DYNC2I2: variants seen among roughly 807,000 people sequenced by gnomAD.
DYNC2I2 encodes dynein 2 intermediate chain 2, also known as cytoplasmic dynein 2 intermediate chain 2.
Under a neutral mutation model 52.0 loss-of-function variants are expected in DYNC2I2, and 39 were observed. That is an observed-to-expected ratio of 0.75 (90% CI 0.58 to 0.98). The LOEUF (loss-of-function observed/expected upper bound fraction) is 0.98. Among genes scored for constraint, DYNC2I2 ranks in the 50% least tolerant of loss-of-function variants. DYNC2I2 has a pLI of 0.00. For synonymous variants in DYNC2I2, 359 were observed against 321.1 expected, an observed-to-expected ratio of 1.12 and a Z score of -1.26; for missense variants, 743 against 728.4, an observed-to-expected ratio of 1.02 and a Z score of -0.23.
At chr9:128,649,688 CAAAAA>C (rs34154610) in intron 1 of DYNC2I2, among the ~76,000 whole-genome samples, 35 of 47,230 alleles carry the variant, frequency 7.4e-4, no homozygotes, top group East Asian at 5.7e-3. Flanking sequence ...GACTCCATCT[CAAAAA>C]AAAAAAAAAA....
chr9:128,671,942 C>T, the DYNC2I2 span, among the ~76,000 whole-genome samples: 145,333 of 150,230 alleles, frequency 0.97, 70,385 homozygotes, highest in Non-Finnish European at 1. Context: ...CTTGAGCCAC[C>T]GCGCCCGGCC....
chr9:128,684,082 A>C, the DYNC2I2 span: 6 of 1,207,920 alleles, frequency 5.0e-6, no homozygotes, highest in East Asian at 2.6e-5. Flanking sequence ...TTACCCCCCA[A>C]TCCCTCTTGA....
chr9:128,649,635 G>C (rs1244536954), intron 1 of DYNC2I2, among the ~76,000 whole-genome samples: 3 of 134,934 alleles, frequency 2.2e-5, no homozygotes, highest in Non-Finnish European at 3.0e-5. Context: ...ATTGCAGTGA[G>C]CCAAGACTGC....
the DYNC2I2 span, among the ~76,000 whole-genome samples, chr9:128,674,240 A>T: frequency 1.3e-5 from 2 of 151,578 alleles, no homozygotes; most frequent in East Asian, 2.0e-4. Flanking sequence ...GGTTTATACC[A>T]TCTACTGTCT....
At chr9:128,660,754 G>A (rs1355973799), upstream of DYNC2I2, among the ~76,000 whole-genome samples, 1 of 151,380 alleles carries the variant, frequency 6.6e-6, no homozygotes, top group Non-Finnish European at 1.5e-5. Flanking sequence ...TTTTGAGATG[G>A]TGTCACGCTC....
intron 1 of DYNC2I2, among the ~76,000 whole-genome samples, chr9:128,655,494 G>C (rs1296461234): frequency 1.5e-5 from 2 of 134,072 alleles, no homozygotes; most frequent in Non-Finnish European, 3.2e-5. Context: ...CCGGGCGACA[G>C]AGCGAGACTC....
At chr9:128,641,047 C>G (rs905398939) in intron 1 of DYNC2I2, 108 bp from the exon 2 acceptor site, 3 of 1,447,556 alleles carry the variant, frequency 2.1e-6, no homozygotes, top group Non-Finnish European at 2.7e-6. Flanking sequence ...TGCTGTGGGT[C>G]TCAGGCTAGG....
intron 2 of DYNC2I2, among the ~76,000 whole-genome samples, chr9:128,639,725 GCA>G (rs1380087741): frequency 6.6e-6 from 1 of 152,100 alleles, no homozygotes; most frequent in Admixed American, 6.6e-5. Context: ...GAGTGCAGTG[GCA>G]CAGTCTCAGC....
At position 128,634,002 on chromosome 9, in the gene DYNC2I2, C is replaced by T. The variant is rs201988969; in HGVS notation, c.1373-20G>A. ...CGTCACCTGCAAAGAGAGACAGATA[C>T]GTGGAGTAAGAGAAACTCTAGAGAC... On this transcript the variant is annotated intron_variant, in intron 8 of 8. Transcript: ENST00000372715. 4.3e-5 allele frequency: 70 copies of T among 1,612,008 alleles called. No homozygotes were observed. Among genetic ancestry groups the T allele is most frequent in the African/African-American group, 1.3e-4 (10 of 74,860 alleles).
chr9:128,669,015 G>C, the DYNC2I2 span, among the ~76,000 whole-genome samples: 2 of 151,668 alleles, frequency 1.3e-5, no homozygotes, highest in Non-Finnish European at 1.5e-5. Flanking sequence ...TGGATCACCT[G>C]AGGTCAGGAG....
chr9:128,636,564 G>T, intron 3 of DYNC2I2, 126 bp from the exon 4 acceptor site: 2 of 1,136,592 alleles, frequency 1.8e-6, no homozygotes, highest in African/African-American at 1.5e-5. Context: ...ACTACTCTGG[G>T]TATTGAAGTG....
chr9:128,634,930 A>G lies in DYNC2I2; in HGVS notation c.982-9T>C, dbSNP rs758276367. 1.9e-6 allele frequency: 3 copies of G among 1,611,178 alleles called. No individual in the cohort carries two copies. In the Admixed American group the frequency reaches 5.0e-5, roughly 27 times the overall value. On this transcript the variant is annotated splice_polypyrimidine_tract_variant and intron_variant, in intron 6 of 8. Coordinates refer to ENST00000372715, the MANE Select transcript of DYNC2I2 (RefSeq NM_052844.4). ...GTCTCCCCGCGGGGATGCTGTGGAG[A>G]AATGGCAGCAGCAGGGTCAGAGCCA... is the stretch of plus-strand genomic sequence containing the variant.
At chr9:128,656,166 C>G (rs1322226440) in intron 1 of DYNC2I2, among the ~76,000 whole-genome samples, 1 of 150,484 alleles carries the variant, frequency 6.6e-6, no homozygotes, top group East Asian at 2.0e-4. Flanking sequence ...GCCGAGATCG[C>G]ACCACTGCAC....
At chr9:128,635,981 G>A (rs945355691) in intron 4 of DYNC2I2, 1 of 670,714 alleles carries the variant, frequency 1.5e-6, no homozygotes, top group African/African-American at 1.8e-5. Context: ...CCTGCACCTG[G>A]CAGCTCCCTC....
At chr9:128,636,152 G>C (rs1181361800) in intron 4 of DYNC2I2, 129 bp downstream of exon 4, 2 of 1,393,150 alleles carry the variant, frequency 1.4e-6, no homozygotes, top group Non-Finnish European at 2.0e-6. Flanking sequence ...CTGGGCTCCA[G>C]ACTGAGAGGG....
chr9:128,634,657 G>T (rs1473190995), intron 7 of DYNC2I2, 32 bp downstream of exon 7: 24 of 1,494,564 alleles, frequency 1.6e-5, no homozygotes, highest in Non-Finnish European at 2.0e-5. Flanking sequence ...GGACACCCTG[G>T]CCCCACTGTG....
At chr9:128,662,682 T>G in the DYNC2I2 span, among the ~76,000 whole-genome samples, 2 of 152,032 alleles carry the variant, frequency 1.3e-5, no homozygotes, top group Non-Finnish European at 2.9e-5. Flanking sequence ...TAGGTTCAAG[T>G]GATCCTCCTG....
chr9:128,656,515 G>A lies in DYNC2I2; in HGVS notation c.186+26C>T, dbSNP rs534163767. ...GCGACCCCGCCTTCCCGCCCGCGTC[G>A]CTCCGCGCGGGGCCCGCGCCCTCAC... is the stretch of plus-strand genomic sequence containing the variant. On this transcript the variant is annotated intron_variant, in intron 1 of 8. Transcript: ENST00000372715. 102 of 1,268,088 alleles carry A rather than the reference G, an allele frequency of 8.0e-5. 6 individuals carry two copies. The South Asian group carries it at 2.6e-3, about 32-fold the overall frequency. The allele number at this position is 1,268,088 out of a possible 1,614,324, so 78.6% of individuals were successfully genotyped here.
chr9:128,648,810 A>AG (rs1860669737), intron 1 of DYNC2I2, among the ~76,000 whole-genome samples: 1 of 149,238 alleles, frequency 6.7e-6, no homozygotes, highest in African/African-American at 2.5e-5. Context: ...AAAAAAAAAA[A>AG]AAAGAGAGAG....
Sources: gnomAD v4.1 joint callset for allele counts (sites outside exome capture counted in the v4.1 genomes callset) on GRCh38, gnomAD v4.1.1 for gene constraint, MANE v1.5 for transcripts, NCBI Gene and HGNC (gene_info 2026-07-23, HGNC 2026-07-21) for gene names.